The following COMT variants were observed in gnomAD, a reference collection of about 807,000 sequenced individuals.
COMT encodes the protein catechol O-methyltransferase.
In COMT, 13 loss-of-function variants were observed where a neutral mutation model predicts 18.9. The observed-to-expected ratio is 0.69, with a 90% confidence interval of 0.45 to 1.09. The LOEUF (loss-of-function observed/expected upper bound fraction) is 1.09. COMT is among the 50% of genes least tolerant of loss of function. The pLI is 0.00. For missense variants in COMT, 329 were observed against 361.8 expected (o/e 0.91, Z 0.73); for synonymous variants, 150 against 160.9 (o/e 0.93, Z 0.51).
chr22:19,942,045 T>G lies in COMT; in HGVS notation c.-92+148T>G, dbSNP rs1941743201. The G allele has an allele frequency of 2.2e-4, 77 of 352,190 alleles. 1 individual carries two copies. Among genetic ancestry groups the G allele is most frequent in the Middle Eastern group, 7.8e-4 (1 of 1,280 alleles). The allele number at this position is 352,190 out of a possible 1,614,324, so 21.8% of individuals were successfully genotyped here. A position where few individuals can be genotyped will look rare whatever the true frequency, so the allele number is the denominator to read the frequency against. On this transcript the variant is annotated intron_variant, in intron 1 of 5. Transcript: ENST00000361682. ...TGGGTGGGAGTCTCCGGACTTGGGG[T>G]GGGGAATCTGGATGGGAACTGGGGA...
intron 1 of COMT, among the ~76,000 whole-genome samples, chr22:19,956,321 T>A (rs900195834): frequency 6.7e-6 from 1 of 150,306 alleles, no homozygotes; most frequent in African/African-American, 2.4e-5. Context: ...TTTGTTATTT[T>A]TAGCAGAGAC....
rs201656482 is a variant in COMT, at chr22:19,968,555, A to C, written c.635A>C (p.Lys212Thr). The C allele has an allele frequency of 6.9e-5, 112 of 1,612,848 alleles. 1 individual carries two copies. The East Asian group carries it at 2.5e-3, about 35-fold the overall frequency. ...TTGCAGGAATGTGGCCTGCTGCGGA[A>C]GGGGACAGTGCTACTGGCTGACAAC... ...LLLEECGLLRKGTVLLADNVI... is the reference protein window; with the variant it reads ...LLLEECGLLRTGTVLLADNVI... Residue 212 changes from lysine (K) to threonine (T), a missense_variant, in exon 6 of 6, where the codon AAG (lysine) becomes ACG (threonine). Transcript: ENST00000361682.
At chr22:19,947,035 C>A (rs1941849601) in intron 1 of COMT, among the ~76,000 whole-genome samples, 1 of 151,080 alleles carries the variant, frequency 6.6e-6, no homozygotes, top group Non-Finnish European at 1.5e-5. Context: ...CCTGCCTCAG[C>A]CCCCCAAGTA....
At position 19,963,667 on chromosome 22, in the gene COMT, T is replaced by A; in HGVS notation, c.391T>A (p.Ser131Thr). 6.2e-7 allele frequency: 1 copy of A among 1,612,970 alleles called. No individual in the cohort carries two copies. Among genetic ancestry groups the A allele is most frequent in the Non-Finnish European group, 8.5e-7 (1 of 1,179,986 alleles). Residue 131 changes from serine to threonine, a missense_variant, in exon 4 of 6, where the codon TCA (serine) becomes ACA (threonine). Transcript: ENST00000361682. ...AGCTGTGCGCATGGCCCGCCTGCTG[T>A]CACCAGGGGCGAGGCTCATCACCAT... Reference protein sequence around the residue: ...YSAVRMARLLSPGARLITIEI... With the variant: ...YSAVRMARLLTPGARLITIEI...
chr22:19,962,005 C>T (rs966414393), intron 2 of COMT: 80 of 179,782 alleles, frequency 4.4e-4, no homozygotes, highest in African/African-American at 1.8e-3. Context: ...CTTACTTGGA[C>T]ACTCAATGAA....
chr22:19,967,215 G>A (rs1014553978), intron 5 of COMT: 1 of 1,304,658 alleles, frequency 7.7e-7, no homozygotes, highest in Non-Finnish European at 1.0e-6. Flanking sequence ...TATCCCTGAT[G>A]ACCAGATTGG....
chr22:19,968,203 G>A (rs1569137781), intron 5 of COMT, among the ~76,000 whole-genome samples: 2 of 152,190 alleles, frequency 1.3e-5, no homozygotes, highest in African/African-American at 2.4e-5. Flanking sequence ...TGGGTGTTGA[G>A]GGCCCCATTG....
chr22:19,959,731 G>T (rs1942149234), intron 1 of COMT, among the ~76,000 whole-genome samples: 1 of 152,236 alleles, frequency 6.6e-6, no homozygotes, highest in East Asian at 1.9e-4. Context: ...GGGCACTGTA[G>T]CCCCCAGGCA....
At chr22:19,967,667 T>A (rs1369506700) in intron 5 of COMT, 1 of 299,892 alleles carries the variant, frequency 3.3e-6, no homozygotes, top group East Asian at 9.4e-5. Context: ...TGCCTGCAAA[T>A]TGATTTTATT....
chr22:19,963,920 A>G, intron 4 of COMT, 161 bp downstream of exon 4: 1 of 1,176,608 alleles, frequency 8.5e-7, no homozygotes, highest in Non-Finnish European at 1.2e-6. Context: ...CTGAGGAAAG[A>G]CCCCCCCAGC....
chr22:19,944,707 A>G (rs1038669936), intron 1 of COMT, among the ~76,000 whole-genome samples: 2 of 150,212 alleles, frequency 1.3e-5, no homozygotes, highest in Admixed American at 6.6e-5. Context: ...CTGTAGTCCC[A>G]GCTACTTGGG....
At position 19,969,893 on chromosome 22, in the gene COMT, A is replaced by C. The variant is rs1440615827; in HGVS notation, c.*1157A>C. ...CCAGACCTGAGTGGCAGAAAGCAAA[A>C]AGTTCCTTTGCTGCTTTAATTTTTA... On this transcript the variant is annotated 3_prime_UTR_variant, in exon 6 of 6. Transcript: ENST00000361682. The C allele has an allele frequency of 2.0e-6, 2 of 985,442 alleles. No individual in the cohort carries two copies. The highest frequency in any genetic ancestry group is 9.4e-5 in the South Asian group (2 of 21,290). 61.0% of individuals were successfully genotyped at this position (985,442 alleles called of 1,614,324 possible). A position where few individuals can be genotyped will look rare whatever the true frequency, so the allele number is the denominator to read the frequency against.
At chr22:19,955,804 A>G (rs1217322638) in intron 1 of COMT, among the ~76,000 whole-genome samples, 1 of 152,182 alleles carries the variant, frequency 6.6e-6, no homozygotes, top group African/African-American at 2.4e-5. Context: ...TGTGCCCCAA[A>G]TGGCCAGTGG....
intron 5 of COMT, chr22:19,967,273 C>G: frequency 8.2e-7 from 1 of 1,221,138 alleles, no homozygotes; most frequent in Non-Finnish European, 1.1e-6. Flanking sequence ...AGCCCAGGCC[C>G]CTCACTCATG....
At chr22:19,963,816 G>A (rs1196475281) in intron 4 of COMT, 57 bp downstream of exon 4, 2 of 1,555,852 alleles carry the variant, frequency 1.3e-6, no homozygotes, top group South Asian at 2.3e-5. Context: ...TGGGCAGGGA[G>A]GGCATGCGCA....
intron 5 of COMT, chr22:19,966,965 C>T: frequency 1.0e-6 from 1 of 985,452 alleles, no homozygotes; most frequent in Non-Finnish European, 1.2e-6. Context: ...TGCTCAGACG[C>T]TGATGCATGT....
chr22:19,948,841 G>C (rs1050157242), intron 1 of COMT, among the ~76,000 whole-genome samples: 26 of 150,880 alleles, frequency 1.7e-4, no homozygotes, highest in Admixed American at 2.0e-4. Flanking sequence ...TGTGGTCCCA[G>C]CTACTTGGGA....
chr22:19,968,824 G>C lies in COMT; in HGVS notation c.*88G>C. 1 of 1,312,514 alleles carries C rather than the reference G, an allele frequency of 7.6e-7. No homozygotes were observed. The highest frequency in any genetic ancestry group is 1.1e-6 in the Non-Finnish European group (1 of 938,408). 81.3% of individuals were successfully genotyped at this position (1,312,514 alleles called of 1,614,324 possible). A position where few individuals can be genotyped will look rare whatever the true frequency, so the allele number is the denominator to read the frequency against. Reference sequence around the variant, plus strand: ...GCTCCTGCTGACCTTCTGCGGCTCCGGGCTGTGTCCTAAATGCAAAGCACA... The same window carrying C: ...GCTCCTGCTGACCTTCTGCGGCTCCCGGCTGTGTCCTAAATGCAAAGCACA... On this transcript the variant is annotated 3_prime_UTR_variant, in exon 6 of 6. Coordinates refer to ENST00000361682, the MANE Select transcript of COMT (RefSeq NM_000754.4).
In COMT at chr22:19,941,797, C is replaced by A; in HGVS notation, c.-192C>A. On this transcript the variant is annotated 5_prime_UTR_variant, in exon 1 of 6. Transcript: ENST00000361682. ...AATCCCCGCAGCGCCACCGCCATTGCCGCCATCGTCGTGGGGCTTCTGGGG... is the reference window on the plus strand; with the variant it reads ...AATCCCCGCAGCGCCACCGCCATTGACGCCATCGTCGTGGGGCTTCTGGGG... The A allele has an allele frequency of 6.5e-7, 1 of 1,534,964 alleles. No individual in the cohort carries two copies. Among genetic ancestry groups the A allele is most frequent in the East Asian group, 2.6e-5 (1 of 38,272 alleles).
Sources: allele counts gnomAD v4.1 joint callset (sites outside exome capture counted in the v4.1 genomes callset), GRCh38; gene constraint gnomAD v4.1.1; transcripts MANE v1.5; gene names NCBI Gene and HGNC (gene_info 2026-07-23, HGNC 2026-07-21).